SIL1: variants seen among roughly 807,000 people sequenced by gnomAD.
SIL1 encodes the protein SIL1 nucleotide exchange factor.
SIL1 carries 40 observed loss-of-function variants against 49.1 expected under a neutral mutation model. The ratio of observed to expected loss-of-function variants is 0.81; its 90% CI spans 0.63 to 1.06. The LOEUF (loss-of-function observed/expected upper bound fraction) is 1.06. SIL1 is among the 50% of genes least tolerant of loss of function. SIL1 has a pLI of 0.00. For missense variants in SIL1, 500 were observed against 572.6 expected (o/e 0.87, Z 1.29); for synonymous variants, 253 against 250.8 (o/e 1.01, Z -0.08).
chr5:139,179,834 A>G (rs994204116), intron 1 of SIL1, among the ~76,000 whole-genome samples: 9 of 152,062 alleles, frequency 5.9e-5, no homozygotes, highest in African/African-American at 2.2e-4. Context: ...AGGAGGGAGG[A>G]TCACTTGAAA....
At chr5:139,037,292 T>C (rs151240009) in intron 5 of SIL1, among the ~76,000 whole-genome samples, 1 of 152,356 alleles carries the variant, frequency 6.6e-6, no homozygotes, top group Non-Finnish European at 1.5e-5. Context: ...TTAACTGTGA[T>C]GTATCTTGGT....
At chr5:139,179,336 G>GAGATTTTAAA (rs1473551937) in intron 1 of SIL1, among the ~76,000 whole-genome samples, 4 of 152,214 alleles carry the variant, frequency 2.6e-5, no homozygotes, top group Non-Finnish European at 5.9e-5. Flanking sequence ...GGCATTCTGT[G>GAGATTTTAAA]CCCTGATGAG....
intron 3 of SIL1, among the ~76,000 whole-genome samples, chr5:139,106,663 C>A (rs1357568802): frequency 6.6e-6 from 1 of 152,054 alleles, no homozygotes; most frequent in Non-Finnish European, 1.5e-5. Context: ...TACCTGACTT[C>A]AAAGCAAAAA....
chr5:139,100,106 ACTT>A (rs944994532), intron 3 of SIL1, among the ~76,000 whole-genome samples: 61 of 152,340 alleles, frequency 4.0e-4, no homozygotes, highest in African/African-American at 1.4e-3. Context: ...AAAAGATTTA[ACTT>A]CTTCTCCCCT....
rs544932086 is a variant in SIL1 at position 139,115,894 on chromosome 5, T to C, written c.244+5141A>G. On this transcript the variant is annotated intron_variant, in intron 3 of 9. Coordinates refer to ENST00000394817, the MANE Select transcript of SIL1 (RefSeq NM_022464.5). ...TGGCCCAGGACTTGCAACTGCCATA[T>C]GAAATGGAAGCAGTCTTATGGACTT... Among the ~76,000 whole-genome samples the C allele has an allele frequency of 9.4e-4, 143 of 152,336 alleles. 1 individual carries two copies. Among genetic ancestry groups the C allele is most frequent in the Non-Finnish European group, 1.8e-3 (120 of 68,034 alleles).
intron 1 of SIL1, among the ~76,000 whole-genome samples, chr5:139,168,555 C>T (rs1421948430): frequency 6.6e-6 from 1 of 152,110 alleles, no homozygotes; most frequent in Non-Finnish European, 1.5e-5. Context: ...TGTTGCTCCT[C>T]CCAGCCCGGT....
intron 3 of SIL1, among the ~76,000 whole-genome samples, chr5:139,102,985 A>G (rs994266490): frequency 6.6e-6 from 1 of 152,144 alleles, no homozygotes; most frequent in African/African-American, 2.4e-5. Context: ...AAGTGCTGGG[A>G]TTACAGGTGT....
chr5:139,097,664 G>C (rs915869037), intron 3 of SIL1, among the ~76,000 whole-genome samples: 1 of 151,830 alleles, frequency 6.6e-6, no homozygotes, highest in African/African-American at 2.4e-5. Context: ...TTTTAGTAGA[G>C]ACACGGTTTC....
At chr5:139,030,406 G>A (rs1452067211) in intron 5 of SIL1, among the ~76,000 whole-genome samples, 1 of 152,004 alleles carries the variant, frequency 6.6e-6, no homozygotes, top group African/African-American at 2.4e-5. Flanking sequence ...GAACCTGGGA[G>A]GTGGAGGCTG....
intron 3 of SIL1, among the ~76,000 whole-genome samples, chr5:139,087,950 C>A (rs1770259655): frequency 6.6e-6 from 1 of 152,188 alleles, no homozygotes; most frequent in African/African-American, 2.4e-5. Context: ...GGTGCTCACT[C>A]CCTCCCTCCT....
At chr5:138,960,861 C>T (rs895940904) in intron 7 of SIL1, among the ~76,000 whole-genome samples, 4 of 152,248 alleles carry the variant, frequency 2.6e-5, no homozygotes, top group South Asian at 2.1e-4. Context: ...TCTATTATAC[C>T]GGCCTAATCT....
chr5:139,112,513 G>A (rs1477655950), intron 3 of SIL1, among the ~76,000 whole-genome samples: 10 of 151,994 alleles, frequency 6.6e-5, no homozygotes, highest in Admixed American at 2.0e-4. Flanking sequence ...TCTGGGAGGT[G>A]AGGAGCGCCT....
At chr5:138,998,618 C>T (rs891932455) in intron 7 of SIL1, among the ~76,000 whole-genome samples, 3 of 152,178 alleles carry the variant, frequency 2.0e-5, no homozygotes, top group African/African-American at 7.2e-5. Context: ...AAGTGTCTCA[C>T]ATGGTGACAG....
chr5:139,177,972 AG>A (rs969604120), intron 1 of SIL1, among the ~76,000 whole-genome samples: 1 of 152,234 alleles, frequency 6.6e-6, no homozygotes, highest in African/African-American at 2.4e-5. Context: ...TCTAAGGTGA[AG>A]GGGGTAGCCC....
intron 5 of SIL1, among the ~76,000 whole-genome samples, chr5:139,031,762 T>G (rs1218198375): frequency 6.6e-6 from 1 of 152,228 alleles, no homozygotes; most frequent in African/African-American, 2.4e-5. Context: ...TAATTAAGTC[T>G]TCTTTGATTT....
intron 3 of SIL1, among the ~76,000 whole-genome samples, chr5:139,095,516 C>T (rs954090410): frequency 6.6e-6 from 1 of 152,206 alleles, no homozygotes; most frequent in Non-Finnish European, 1.5e-5. Flanking sequence ...CTTGCCTTGG[C>T]CTCTCAAACT....
chr5:139,112,652 G>T (rs931435414), intron 3 of SIL1, among the ~76,000 whole-genome samples: 15 of 147,752 alleles, frequency 1.0e-4, no homozygotes, highest in Non-Finnish European at 1.9e-4. Flanking sequence ...GCCCCCGCCC[G>T]GCCAGCCGCC....
intron 3 of SIL1, among the ~76,000 whole-genome samples, chr5:139,073,477 A>T (rs1447974832): frequency 6.6e-6 from 1 of 152,198 alleles, no homozygotes; most frequent in African/African-American, 2.4e-5. Context: ...TGTGGAATCT[A>T]AAAAAGTTGA....
intron 5 of SIL1, among the ~76,000 whole-genome samples, chr5:139,038,019 C>T (rs1406056114): frequency 6.6e-6 from 1 of 152,204 alleles, no homozygotes; most frequent in African/African-American, 2.4e-5. Context: ...TGTGTCTTCA[C>T]ACGGTAGAGA....
Sources: gnomAD v4.1 joint callset for allele counts (sites outside exome capture counted in the v4.1 genomes callset) on GRCh38, gnomAD v4.1.1 for gene constraint, MANE v1.5 for transcripts, NCBI Gene and HGNC (gene_info 2026-07-23, HGNC 2026-07-21) for gene names.